NRXN3: variants seen among roughly 807,000 people sequenced by gnomAD.
The protein encoded by NRXN3 is neurexin III.
A neutral mutation model predicts 137.6 loss-of-function variants in NRXN3; 32 were observed. That is an observed-to-expected ratio of 0.23 (90% CI 0.18 to 0.31). NRXN3 has a LOEUF of 0.31. Ranked by LOEUF, NRXN3 falls within the 10% of genes least tolerant of loss-of-function variation. The pLI is 1.00. For missense variants in NRXN3, 1,574 were observed against 2,062.5 expected, an observed-to-expected ratio of 0.76 and a Z score of 4.59; for synonymous variants, 798 against 784.5, an observed-to-expected ratio of 1.02 and a Z score of -0.29.
chr14:79,665,261 A>C (rs1419915751), intron 17 of NRXN3, among the ~76,000 whole-genome samples: 2 of 152,122 alleles, frequency 1.3e-5, no homozygotes, highest in African/African-American at 4.8e-5. Flanking sequence ...TTGAGGCAAA[A>C]AGCTCCACCC....
chr14:79,543,378 G>A (rs1389780746), intron 16 of NRXN3, among the ~76,000 whole-genome samples: 5 of 152,206 alleles, frequency 3.3e-5, no homozygotes, highest in African/African-American at 1.2e-4. Flanking sequence ...AGCCAAGGGT[G>A]GAGATGGTCA....
intron 10 of NRXN3, among the ~76,000 whole-genome samples, chr14:78,861,510 T>C (rs2099072232): frequency 6.6e-6 from 1 of 152,124 alleles, no homozygotes. Flanking sequence ...ACTGTTAACA[T>C]GAGCATCAAA....
At chr14:79,329,781 A>G (rs1303962475) in intron 15 of NRXN3, among the ~76,000 whole-genome samples, 1 of 150,148 alleles carries the variant, frequency 6.7e-6, no homozygotes, top group East Asian at 1.9e-4. Flanking sequence ...CTGTTTGAAT[A>G]TTTTCCTCTA....
intron 3 of NRXN3, among the ~76,000 whole-genome samples, chr14:78,293,392 C>G (rs1209745623): frequency 1.3e-5 from 2 of 152,116 alleles, no homozygotes; most frequent in Admixed American, 6.6e-5. Flanking sequence ...TTGACTGATT[C>G]CTCCTTTCAG....
Position 78,645,481 on chromosome 14 carries a change from T to C in NRXN3, c.1059+60T>C. The C allele has an allele frequency of 5.5e-6, 8 of 1,445,668 alleles. No individual in the cohort carries two copies. In the South Asian group the frequency reaches 9.7e-5, roughly 18 times the overall value. 89.6% of individuals were successfully genotyped at this position (1,445,668 alleles called of 1,614,324 possible). A position where few individuals can be genotyped will look rare whatever the true frequency, so the allele number is the denominator to read the frequency against. Reference sequence around the variant, plus strand: ...CATCTTAGGTGGCTGGGTAGTAAATTTGTGAAGCAGGTGATGGGTGTGAGG... The same window carrying C: ...CATCTTAGGTGGCTGGGTAGTAAATCTGTGAAGCAGGTGATGGGTGTGAGG... On this transcript the variant is annotated intron_variant, in intron 5 of 20. Coordinates refer to ENST00000335750, the MANE Select transcript of NRXN3 (RefSeq NM_001330195.2).
intron 19 of NRXN3, among the ~76,000 whole-genome samples, chr14:79,749,229 G>A (rs2098989426): frequency 1.3e-5 from 2 of 152,044 alleles, no homozygotes; most frequent in Non-Finnish European, 2.9e-5. Flanking sequence ...GAACAAGGGT[G>A]TACGGATATG....
At chr14:79,759,726 A>T (rs1172321966) in intron 19 of NRXN3, among the ~76,000 whole-genome samples, 4 of 151,750 alleles carry the variant, frequency 2.6e-5, no homozygotes, top group Admixed American at 6.5e-5. Flanking sequence ...TAAAGTTATC[A>T]TAAGAATAAT....
chr14:78,430,879 T>A (rs534061678), intron 4 of NRXN3, among the ~76,000 whole-genome samples: 208 of 152,318 alleles, frequency 1.4e-3, no homozygotes, highest in African/African-American at 4.9e-3. Context: ...TATTTTGTTT[T>A]TATGTTTATT....
chr14:78,530,591 C>G (rs1033218633), intron 4 of NRXN3, among the ~76,000 whole-genome samples: 1 of 152,194 alleles, frequency 6.6e-6, no homozygotes, highest in Non-Finnish European at 1.5e-5. Context: ...AGGTATGGCT[C>G]TCTTCCAGAT....
intron 4 of NRXN3, among the ~76,000 whole-genome samples, chr14:78,508,845 ATTT>A (rs2096050287): frequency 6.6e-6 from 1 of 152,150 alleles, no homozygotes; most frequent in Non-Finnish European, 1.5e-5. Flanking sequence ...ATGTATGTAT[ATTT>A]TACCACAATA....
intron 15 of NRXN3, among the ~76,000 whole-genome samples, chr14:79,176,468 A>G (rs935077120): frequency 2.0e-5 from 3 of 152,034 alleles, no homozygotes; most frequent in African/African-American, 7.3e-5. Context: ...TAAAATCCCA[A>G]CTCCTCAGTG....
At chr14:79,680,813 C>T (rs2098666431) in intron 17 of NRXN3, among the ~76,000 whole-genome samples, 1 of 152,084 alleles carries the variant, frequency 6.6e-6, no homozygotes, top group African/African-American at 2.4e-5. Flanking sequence ...GCCTGCTGTT[C>T]CTAGAGATCT....
chr14:78,478,028 A>G (rs1195317438), intron 4 of NRXN3, among the ~76,000 whole-genome samples: 5 of 152,198 alleles, frequency 3.3e-5, no homozygotes, highest in Admixed American at 3.3e-4. Context: ...ATAGTGACCG[A>G]ATTGAGAGAC....
chr14:79,376,265 T>TATATATAC (rs1566950685), intron 15 of NRXN3, among the ~76,000 whole-genome samples: 3 of 72,700 alleles, frequency 4.1e-5, no homozygotes, highest in African/African-American at 8.8e-5. Context: ...TATATATATA[T>TATATATAC]ACACATACAT....
At chr14:78,816,463 A>G (rs778185457) in intron 10 of NRXN3, among the ~76,000 whole-genome samples, 14 of 152,270 alleles carry the variant, frequency 9.2e-5, no homozygotes, top group Non-Finnish European at 2.1e-4. Flanking sequence ...AATGTCTTAG[A>G]GACTATTCCA....
intron 16 of NRXN3, among the ~76,000 whole-genome samples, chr14:79,515,325 C>T (rs1232637519): frequency 6.6e-6 from 1 of 150,598 alleles, no homozygotes. Context: ...CAGAGTTGGG[C>T]TGAGGAGGCC....
intron 15 of NRXN3, among the ~76,000 whole-genome samples, chr14:79,356,094 A>C (rs924939593): frequency 2.6e-5 from 4 of 152,162 alleles, no homozygotes; most frequent in Non-Finnish European, 5.9e-5. Flanking sequence ...TCCATAGCAA[A>C]GTAGTCTAAC....
chr14:78,740,058 GA>G (rs2098557654), intron 8 of NRXN3, among the ~76,000 whole-genome samples: 1 of 152,194 alleles, frequency 6.6e-6, no homozygotes, highest in Admixed American at 6.5e-5. Flanking sequence ...GTGGATGTGA[GA>G]GAGTTATCTC....
chr14:79,408,857 C>A (rs4903855), intron 15 of NRXN3, among the ~76,000 whole-genome samples: 103,228 of 151,856 alleles, frequency 0.68, 35,660 homozygotes, highest in Middle Eastern at 0.84. Context: ...ACTTATAAGT[C>A]AAACTTTCTT....
Sources: allele counts gnomAD v4.1 joint callset (sites outside exome capture counted in the v4.1 genomes callset), GRCh38; gene constraint gnomAD v4.1.1; transcripts MANE v1.5; gene names NCBI Gene and HGNC (gene_info 2026-07-23, HGNC 2026-07-21).